PLAT: variants seen among roughly 807,000 people sequenced by gnomAD.
PLAT encodes the protein plasminogen activator, tissue type.
Under a neutral mutation model 74.9 loss-of-function variants are expected in PLAT, and 48 were observed. The ratio of observed to expected loss-of-function variants is 0.64; its 90% confidence interval spans 0.51 to 0.82. The LOEUF is 0.82. Among genes scored for constraint, PLAT ranks in the 40% least tolerant of loss-of-function variants. The probability of loss-of-function intolerance (pLI) is 0.00; values close to 1 mark genes in which losing one functional copy is unlikely to be tolerated. For synonymous variants in PLAT, 307 were observed against 294.4 expected (o/e 1.04, Z -0.44); for missense variants, 673 against 736.2 (o/e 0.91, Z 0.99).
At chr8:42,188,876 TG>T in intron 4 of PLAT, 57 bp downstream of exon 4, 1 of 1,499,272 alleles carries the variant, frequency 6.7e-7, no homozygotes, top group Non-Finnish European at 9.2e-7. Context: ...CCTCCCACCT[TG>T]GCCTCCTAAA....
chr8:42,185,250 C>T (rs1805408470), intron 6 of PLAT, 78 bp from the exon 7 acceptor site: 5 of 838,706 alleles, frequency 6.0e-6, no homozygotes, highest in Non-Finnish European at 9.3e-6. Context: ...ACTTTGGTAT[C>T]CTTTTCTGGA....
Position 42,182,847 on chromosome 8 carries a change from G to T in PLAT, c.675C>A (p.Gly225=). 6.2e-7 allele frequency: 1 copy of T among 1,613,574 alleles called. No homozygotes were observed. The change falls in exon 8 of 14, where the codon GGC becomes GGA. Residue 225 remains glycine (G), a synonymous_variant. Transcript: ENST00000220809. The part of the protein sequence containing the change: ...CYFGNGSAYR[G]THSLTESGAS... ...CACCCGACTCGGTGAGGCTGTGCGT[G>T]CCACGGTAGGCTGACCCATTCCCAA...
At chr8:42,190,535 G>A (rs1280702162) in intron 3 of PLAT, among the ~76,000 whole-genome samples, 1 of 152,216 alleles carries the variant, frequency 6.6e-6, no homozygotes, top group Non-Finnish European at 1.5e-5. Flanking sequence ...CTGTAAGTCA[G>A]ACCCTTGCTG....
At chr8:42,204,921 A>G (rs923960108) in intron 1 of PLAT, among the ~76,000 whole-genome samples, 1 of 151,988 alleles carries the variant, frequency 6.6e-6, no homozygotes, top group African/African-American at 2.4e-5. Flanking sequence ...AAAGGAAAAT[A>G]AATCTCAAGA....
intron 2 of PLAT, among the ~76,000 whole-genome samples, chr8:42,191,794 G>GCAGCTGGCTGTCTACTCCACGCAGT (rs1320017776): frequency 6.6e-6 from 1 of 152,056 alleles, no homozygotes; most frequent in African/African-American, 2.4e-5. Flanking sequence ...CAATGGAGTT[G>GCAGCTGGCTGTCTACTCCACGCAGT]CAGCTGGCTG....
rs1451388819 is a variant in PLAT at position 42,199,238 on chromosome 8, TTATAAC to T, written c.-26-6033_-26-6028del. On this transcript the variant is annotated intron_variant, in intron 1 of 13. Transcript: ENST00000220809. The stretch of plus-strand genomic sequence containing the variant: ...ATTTTCCCTCTCTTAACAGAACTGT[TTATAAC>T]TAGGGGAGAAGAGAGGAAGAGTCTG... 3.3e-5 allele frequency among the ~76,000 whole-genome samples: 5 copies of T among 152,228 alleles called. No homozygotes were observed. In the East Asian group the frequency reaches 9.6e-4, roughly 29 times the overall value.
At chr8:42,193,302 G>T in intron 1 of PLAT, 91 bp from the exon 2 acceptor site, 2 of 791,040 alleles carry the variant, frequency 2.5e-6, no homozygotes, top group South Asian at 1.5e-5. Context: ...GTCCTGTCTG[G>T]CTTCCTCCAG....
chr8:42,178,264 C>CTTT (rs5891180), intron 13 of PLAT, among the ~76,000 whole-genome samples: 245 of 109,844 alleles, frequency 2.2e-3, no homozygotes, highest in Middle Eastern at 5.3e-3. Flanking sequence ...ACATTTCTTT[C>CTTT]TTTTTTTTTT....
At chr8:42,179,103 A>G (rs1021334987) in intron 12 of PLAT, 40 bp from the exon 13 acceptor site, 3 of 1,516,486 alleles carry the variant, frequency 2.0e-6, no homozygotes, top group Admixed American at 4.0e-5. Flanking sequence ...AGGGAAAGTT[A>G]TTTATAAACG....
chr8:42,194,794 A>C (rs1235502228), intron 1 of PLAT, among the ~76,000 whole-genome samples: 84 of 121,740 alleles, frequency 6.9e-4, no homozygotes, highest in African/African-American at 1.0e-3. Flanking sequence ...CTCCACGCCC[A>C]CCCCCCCCAC....
At chr8:42,185,790 G>A (rs1805431633) in intron 6 of PLAT, 2 of 152,264 alleles carry the variant, frequency 1.3e-5, no homozygotes, top group South Asian at 2.1e-4. Context: ...TTTTATAGAT[G>A]TGGTTAATAT....
intron 4 of PLAT, chr8:42,188,329 C>T (rs537847662): frequency 7.6e-6 from 2 of 263,394 alleles, no homozygotes; most frequent in Non-Finnish European, 1.4e-5. Context: ...GTTGTACAGT[C>T]TACAAAAATT....
chr8:42,179,142 A>G (rs1805105660), intron 12 of PLAT, 79 bp from the exon 13 acceptor site: 1 of 940,292 alleles, frequency 1.1e-6, no homozygotes, highest in Non-Finnish European at 1.7e-6. Context: ...AAATTTTCCA[A>G]TAATAGCTAA....
chr8:42,181,066 A>G (rs1805220297), intron 9 of PLAT, among the ~76,000 whole-genome samples: 1 of 152,186 alleles, frequency 6.6e-6, no homozygotes, highest in Non-Finnish European at 1.5e-5. Context: ...CCATGCTTCA[A>G]GGCCCAGGTG....
intron 1 of PLAT, among the ~76,000 whole-genome samples, chr8:42,206,157 G>A (rs1239569165): frequency 1.3e-5 from 2 of 152,262 alleles, no homozygotes; most frequent in South Asian, 2.1e-4. Flanking sequence ...GTCGGGCAGA[G>A]AAGGAGCATT....
chr8:42,183,500 A>G (rs1805330931), intron 7 of PLAT, among the ~76,000 whole-genome samples: 1 of 151,998 alleles, frequency 6.6e-6, no homozygotes, highest in African/African-American at 2.4e-5. Flanking sequence ...TCCTTGTGTT[A>G]CTTAACAGGC....
chr8:42,193,029 C>T (rs1273122493), intron 2 of PLAT, 85 bp downstream of exon 2: 14 of 923,522 alleles, frequency 1.5e-5, no homozygotes, highest in East Asian at 1.2e-4. Flanking sequence ...TTCCAACCTC[C>T]GTGGCCCAGA....
chr8:42,189,151 A>C, intron 3 of PLAT, 80 bp from the exon 4 acceptor site: 1 of 1,451,154 alleles, frequency 6.9e-7, no homozygotes, highest in East Asian at 2.3e-5. Flanking sequence ...TACTGAGAAA[A>C]CTCCCTCACT....
At chr8:42,184,954 G>A (rs1006791662) in intron 7 of PLAT, 127 bp downstream of exon 7, 2 of 590,232 alleles carry the variant, frequency 3.4e-6, no homozygotes, top group Non-Finnish European at 5.9e-6. Context: ...TCTTCCCTCT[G>A]CAACCAAAAT....
Sources: gnomAD v4.1 joint callset for allele counts (sites outside exome capture counted in the v4.1 genomes callset) on GRCh38, gnomAD v4.1.1 for gene constraint, MANE v1.5 for transcripts, NCBI Gene and HGNC (gene_info 2026-07-23, HGNC 2026-07-21) for gene names.